The following JAM3 variants were observed in gnomAD, a reference collection of about 807,000 sequenced individuals.
JAM3 encodes the protein junctional adhesion molecule C.
Under a neutral mutation model 39.4 loss-of-function variants are expected in JAM3, and 31 were observed. That is an observed-to-expected ratio of 0.79 (90% CI 0.59 to 1.06). The LOEUF (loss-of-function observed/expected upper bound fraction) is 1.06. JAM3 is among the 50% of genes least tolerant of loss of function. The pLI is 0.00. For missense variants in JAM3, 455 were observed against 391.4 expected, an observed-to-expected ratio of 1.16 and a Z score of -1.37; for synonymous variants, 182 against 148.7, an observed-to-expected ratio of 1.22 and a Z score of -1.63.
chr11:134,146,157 CT>C lies in JAM3; in HGVS notation c.712+114del, dbSNP rs1943067193. The C allele has an allele frequency of 7.6e-6, 6 of 791,132 alleles. No individual in the cohort carries two copies. In the East Asian group the frequency reaches 1.1e-4, roughly 14 times the overall value. 49.0% of individuals were successfully genotyped at this position (791,132 alleles called of 1,614,324 possible). On this transcript the variant is annotated intron_variant, in intron 6 of 8. Coordinates refer to ENST00000299106, the MANE Select transcript of JAM3 (RefSeq NM_032801.5). The stretch of plus-strand genomic sequence containing the variant: ...AACTCTTCCGCCATGGGTTAGCTTT[CT>C]TCTGGAGCTGCCTAGGTCCACCAGA...
intron 6 of JAM3, among the ~76,000 whole-genome samples, chr11:134,146,481 G>A (rs1202516768): frequency 4.6e-5 from 7 of 152,024 alleles, no homozygotes. Context: ...TCAGGGCTCT[G>A]GTTCCCCTAA....
chr11:134,099,196 A>G (rs1396580908), intron 1 of JAM3, among the ~76,000 whole-genome samples: 2 of 151,994 alleles, frequency 1.3e-5, no homozygotes, highest in African/African-American at 4.8e-5. Context: ...GTGAGACCCT[A>G]TTTCAAAAAA....
chr11:134,124,326 A>C, intron 1 of JAM3: 1 of 769,382 alleles, frequency 1.3e-6, no homozygotes, highest in South Asian at 1.4e-5. Context: ...TGGACGGTTC[A>C]TTATGGCAAA....
intron 1 of JAM3, among the ~76,000 whole-genome samples, chr11:134,080,420 C>T (rs1242197378): frequency 1.3e-5 from 2 of 152,160 alleles, no homozygotes; most frequent in Middle Eastern, 3.2e-3. Context: ...TCTTGTAGCT[C>T]CCATAATTTC....
intron 3 of JAM3, 120 bp from the exon 4 acceptor site, chr11:134,144,121 T>G (rs559865774): frequency 3.4e-5 from 32 of 929,598 alleles, no homozygotes; most frequent in South Asian, 2.9e-4. Context: ...GGAATAGAAA[T>G]AAATATTGAT....
At chr11:134,090,383 G>A (rs1941825375) in intron 1 of JAM3, among the ~76,000 whole-genome samples, 1 of 152,094 alleles carries the variant, frequency 6.6e-6, no homozygotes, top group Non-Finnish European at 1.5e-5. Context: ...CCTTGCCCAT[G>A]CCTATGTGCT....
chr11:134,149,243 T>C lies in JAM3; in HGVS notation c.*62T>C, dbSNP rs1047835669. 5 of 1,604,426 alleles carry C rather than the reference T, an allele frequency of 3.1e-6. No individual in the cohort carries two copies. Among genetic ancestry groups the C allele is most frequent in the East Asian group, 2.2e-5 (1 of 44,830 alleles). ...TGCACATACCTCTGCTAGAAACTCCTGTCAAGGCAGCGAGAGCTGATGCAC... is the reference window on the plus strand; with the variant it reads ...TGCACATACCTCTGCTAGAAACTCCCGTCAAGGCAGCGAGAGCTGATGCAC... On this transcript the variant is annotated 3_prime_UTR_variant, in exon 9 of 9. Transcript: ENST00000299106.
intron 1 of JAM3, among the ~76,000 whole-genome samples, chr11:134,099,890 C>A (rs1942044334): frequency 6.6e-6 from 1 of 152,220 alleles, no homozygotes; most frequent in Non-Finnish European, 1.5e-5. Context: ...CAGGCGTGAG[C>A]CACCGCGCCC....
chr11:134,134,389 G>A (rs889510061), intron 1 of JAM3, among the ~76,000 whole-genome samples: 1 of 25,068 alleles, frequency 4.0e-5, no homozygotes, highest in Non-Finnish European at 8.2e-5. Flanking sequence ...CACCAAACAG[G>A]ATAAATGCCA....
Position 134,135,534 on chromosome 11 carries a change from CTT to C in JAM3, c.77-4306_77-4305del, listed in dbSNP as rs59157985. Among the ~76,000 whole-genome samples, 7 of 145,030 alleles carry C rather than the reference CTT, an allele frequency of 4.8e-5. No homozygotes were observed. The South Asian group carries it at 6.5e-4, about 14-fold the overall frequency. ...ATGAGAGCACAGATTTTTATCTATC[CTT>C]TTTTTTTTTTCTTTTTTTTGAGATG... On this transcript the variant is annotated intron_variant, in intron 1 of 8. Coordinates refer to ENST00000299106, the MANE Select transcript of JAM3 (RefSeq NM_032801.5).
chr11:134,148,467 A>AGG (rs1271436575), intron 6 of JAM3, 80 bp from the exon 7 acceptor site: 1 of 1,599,010 alleles, frequency 6.3e-7, no homozygotes, highest in African/African-American at 1.3e-5. Context: ...GGGTGAAGGA[A>AGG]GGAGGCACAG....
At chr11:134,128,452 G>T (rs539675409) in intron 1 of JAM3, among the ~76,000 whole-genome samples, 43 of 152,322 alleles carry the variant, frequency 2.8e-4, no homozygotes, top group Non-Finnish European at 5.7e-4. Context: ...TGGTTTGGCG[G>T]TGTGTTCCAC....
chr11:134,086,510 G>A (rs912833021), intron 1 of JAM3, among the ~76,000 whole-genome samples: 1 of 152,000 alleles, frequency 6.6e-6, no homozygotes, highest in Non-Finnish European at 1.5e-5. Flanking sequence ...AGTGATATTT[G>A]TAGAAAAGAT....
intron 1 of JAM3, among the ~76,000 whole-genome samples, chr11:134,127,271 C>A (rs1222016474): frequency 6.6e-6 from 1 of 152,224 alleles, no homozygotes; most frequent in Non-Finnish European, 1.5e-5. Context: ...CTTGCTCTGA[C>A]TGTCTTGAAG....
intron 1 of JAM3, among the ~76,000 whole-genome samples, chr11:134,134,026 G>T (rs1241840418): frequency 1.3e-5 from 2 of 152,080 alleles, no homozygotes; most frequent in African/African-American, 2.4e-5. Context: ...TAGATAACAT[G>T]CAAGAACAGA....
At chr11:134,143,926 G>T (rs183126857) in intron 3 of JAM3, among the ~76,000 whole-genome samples, 3 of 152,158 alleles carry the variant, frequency 2.0e-5, no homozygotes, top group Non-Finnish European at 4.4e-5. Flanking sequence ...TTCTAGTGGT[G>T]TTTTTTTCTA....
chr11:134,077,377 T>G (rs1029483569), intron 1 of JAM3, among the ~76,000 whole-genome samples: 1 of 150,194 alleles, frequency 6.7e-6, no homozygotes, highest in Non-Finnish European at 1.5e-5. Flanking sequence ...TTTTTTTTTT[T>G]CTTGAGACAG....
chr11:134,096,218 A>T (rs1170149569), intron 1 of JAM3, among the ~76,000 whole-genome samples: 3 of 152,134 alleles, frequency 2.0e-5, no homozygotes, highest in Admixed American at 2.0e-4. Flanking sequence ...GCTTCAAGTG[A>T]TCCTCCTGCC....
At chr11:134,104,836 C>G (rs766966210) in intron 1 of JAM3, among the ~76,000 whole-genome samples, 1 of 152,142 alleles carries the variant, frequency 6.6e-6, no homozygotes, top group Non-Finnish European at 1.5e-5. Context: ...AGACCAATAA[C>G]AGGCTCTGAA....
Sources: gnomAD v4.1 joint callset for allele counts (sites outside exome capture counted in the v4.1 genomes callset) on GRCh38, gnomAD v4.1.1 for gene constraint, MANE v1.5 for transcripts, NCBI Gene and HGNC (gene_info 2026-07-23, HGNC 2026-07-21) for gene names.